SLC6A5: variants seen among roughly 807,000 people sequenced by gnomAD.
SLC6A5 encodes solute carrier family 6 member 5.
In SLC6A5, 58 loss-of-function variants were observed where a neutral mutation model predicts 90.5. That is an observed-to-expected ratio of 0.64 (90% CI 0.52 to 0.80). The LOEUF (loss-of-function observed/expected upper bound fraction) is 0.80. SLC6A5 is among the 30% of genes least tolerant of loss of function. The pLI is 0.00. For synonymous variants in SLC6A5, 427 were observed against 401.4 expected (o/e 1.06, Z -0.76); for missense variants, 1,015 against 1,017.6 (o/e 1.00, Z 0.03).
At chr11:20,617,699 C>T in intron 6 of SLC6A5, 53 bp from the exon 7 acceptor site, 5 of 1,554,672 alleles carry the variant, frequency 3.2e-6, no homozygotes, top group Non-Finnish European at 4.4e-6. Context: ...TGCCTGTCAC[C>T]TCCCTCTCTC....
chr11:20,608,353 A>C (rs975118722), intron 5 of SLC6A5, among the ~76,000 whole-genome samples: 1 of 152,226 alleles, frequency 6.6e-6, no homozygotes, highest in Non-Finnish European at 1.5e-5. Context: ...GGTCAAGGGC[A>C]AGAGAGTGAA....
chr11:20,600,384 G>GAAC (rs759447184), intron 1 of SLC6A5, among the ~76,000 whole-genome samples: 2 of 149,814 alleles, frequency 1.3e-5, no homozygotes, highest in African/African-American at 5.0e-5. Context: ...AGAAGAAGAA[G>GAAC]AAGAAGAAGA....
In SLC6A5 at chr11:20,658,200, AC is replaced by A. The variant is rs1423031185; in HGVS notation, c.*3334del. 3 of 152,020 alleles carry A rather than the reference AC, an allele frequency of 2.0e-5. No homozygotes were observed. Among genetic ancestry groups the A allele is most frequent in the Admixed American group, 6.5e-5 (1 of 15,270 alleles). The allele number at this position is 152,020 out of a possible 1,614,324, so 9.4% of individuals were successfully genotyped here. A position where few individuals can be genotyped will look rare whatever the true frequency, so the allele number is the denominator to read the frequency against. ...ATGTGTCTCTCAGTGCTTCCTGTCC[AC>A]CTTTGCTCTCAGCATGGTTTCCCAT... is the stretch of plus-strand genomic sequence containing the variant. On this transcript the variant is annotated 3_prime_UTR_variant, in exon 16 of 16. Coordinates refer to ENST00000525748, the MANE Select transcript of SLC6A5 (RefSeq NM_004211.5).
At chr11:20,606,412 A>G (rs7130611) in intron 3 of SLC6A5, among the ~76,000 whole-genome samples, 9,540 of 152,238 alleles carry the variant, frequency 0.063, 1,049 homozygotes, top group African/African-American at 0.22. Flanking sequence ...TGAAGGATGG[A>G]AGGAACTTCT....
intron 14 of SLC6A5, among the ~76,000 whole-genome samples, chr11:20,649,027 T>G (rs1402579090): frequency 1.3e-5 from 2 of 152,182 alleles, no homozygotes; most frequent in Admixed American, 6.5e-5. Flanking sequence ...TTCAAGCCAA[T>G]ACCTATATAT....
At chr11:20,602,716 T>C (rs1852503638) in intron 2 of SLC6A5, among the ~76,000 whole-genome samples, 1 of 151,996 alleles carries the variant, frequency 6.6e-6, no homozygotes, top group African/African-American at 2.4e-5. Flanking sequence ...CACATACACA[T>C]TCACACTTAT....
intron 6 of SLC6A5, among the ~76,000 whole-genome samples, chr11:20,615,990 T>C (rs1220575403): frequency 6.6e-6 from 1 of 152,240 alleles, no homozygotes; most frequent in Admixed American, 6.5e-5. Context: ...GATTTTTATG[T>C]GATCTCTCCT....
At chr11:20,634,278 A>G (rs937519417) in intron 10 of SLC6A5, among the ~76,000 whole-genome samples, 4 of 152,214 alleles carry the variant, frequency 2.6e-5, no homozygotes, top group Non-Finnish European at 5.9e-5. Flanking sequence ...CAGACTGGCC[A>G]TATACTCTTT....
rs185008091 is a variant in SLC6A5 at position 20,619,334 on chromosome 11, G to A, written c.1260+1450G>A. On this transcript the variant is annotated intron_variant, in intron 7 of 15. Coordinates refer to ENST00000525748, the MANE Select transcript of SLC6A5 (RefSeq NM_004211.5). ...TAGACCGAACTGTCTTCTCCCTGGG[G>A]ACATGGACATTTTTGATTACAGCTT... is the stretch of plus-strand genomic sequence containing the variant. 3.0e-3 allele frequency among the ~76,000 whole-genome samples: 459 copies of A among 152,312 alleles called. 2 individuals carry two copies. The highest frequency in any genetic ancestry group is 0.01 in the Middle Eastern group (3 of 294).
intron 6 of SLC6A5, among the ~76,000 whole-genome samples, chr11:20,616,247 C>T (rs1239000259): frequency 2.0e-5 from 3 of 152,128 alleles, no homozygotes; most frequent in Non-Finnish European, 4.4e-5. Context: ...CCCCTTTGAC[C>T]ATAACTACCA....
chr11:20,638,487 A>G lies in SLC6A5; in HGVS notation c.1898A>G (p.Asp633Gly). 6.2e-7 allele frequency: 1 copy of G among 1,612,988 alleles called. No individual in the cohort carries two copies. The highest frequency in any genetic ancestry group is 2.2e-5 in the East Asian group (1 of 44,862). ...QGGIYMFQLVDTYAASYALVI... is the reference protein window; with the variant it reads ...QGGIYMFQLVGTYAASYALVI... ...GGAATTTACATGTTTCAGCTTGTGGACACCTATGCTGCCTCCTATGCCCTT... is the reference window on the plus strand; with the variant it reads ...GGAATTTACATGTTTCAGCTTGTGGGCACCTATGCTGCCTCCTATGCCCTT... Residue 633 changes from aspartate (D) to glycine (G), a missense_variant, in exon 13 of 16, where the codon GAC (aspartate) becomes GGC (glycine). Asp to Gly is a moderately conservative substitution (Grantham distance 94). Transcript: ENST00000525748.
chr11:20,637,955 T>C (rs1408958017), intron 12 of SLC6A5, among the ~76,000 whole-genome samples: 1 of 152,150 alleles, frequency 6.6e-6, no homozygotes, highest in Admixed American at 6.5e-5. Context: ...TTTCTTCTTC[T>C]GTAAAATAAT....
chr11:20,628,528 C>T (rs369733541), intron 9 of SLC6A5, among the ~76,000 whole-genome samples: 3 of 152,210 alleles, frequency 2.0e-5, no homozygotes, highest in African/African-American at 7.2e-5. Context: ...CTTCATTTAA[C>T]TTAATTACCT....
chr11:20,650,969 C>T (rs980816952), intron 14 of SLC6A5, among the ~76,000 whole-genome samples: 7 of 151,540 alleles, frequency 4.6e-5, no homozygotes, highest in Admixed American at 1.3e-4. Context: ...CCCGGCCAGA[C>T]GCCTGTTCTT....
At chr11:20,641,432 A>G (rs1853311885) in intron 13 of SLC6A5, among the ~76,000 whole-genome samples, 3 of 152,104 alleles carry the variant, frequency 2.0e-5, no homozygotes, top group African/African-American at 4.8e-5. Context: ...TTGATGGACT[A>G]TCTGTTTTCA....
At chr11:20,609,948 C>T (rs1007026887) in intron 5 of SLC6A5, among the ~76,000 whole-genome samples, 1 of 152,190 alleles carries the variant, frequency 6.6e-6, no homozygotes, top group Admixed American at 6.5e-5. Flanking sequence ...TGGAGAATGA[C>T]TAGTCTGTGC....
At chr11:20,651,565 G>A (rs540596439) in intron 14 of SLC6A5, among the ~76,000 whole-genome samples, 215 of 151,518 alleles carry the variant, frequency 1.4e-3, no homozygotes, top group African/African-American at 4.6e-3. Context: ...GAGCCACTGC[G>A]CCTGGCCTGG....
chr11:20,611,078 A>G (rs775361922), intron 5 of SLC6A5, among the ~76,000 whole-genome samples: 6 of 152,230 alleles, frequency 3.9e-5, no homozygotes, highest in Non-Finnish European at 7.3e-5. Context: ...GAGATTTCTG[A>G]TGCTAGAATC....
rs1413444814 is a variant in SLC6A5 at position 20,656,811 on chromosome 11, AAACTT to A, written c.*1945_*1949del. On this transcript the variant is annotated 3_prime_UTR_variant, in exon 16 of 16. Coordinates refer to ENST00000525748, the MANE Select transcript of SLC6A5 (RefSeq NM_004211.5). ...AGAGACTAAACCTTGAGCTTCCCCT[AAACTT>A]AGCTTTAGGAAGCTGAGCTGTGGCC... The A allele has an allele frequency of 2.0e-5, 3 of 152,118 alleles. No homozygotes were observed. Among genetic ancestry groups the A allele is most frequent in the African/African-American group, 7.2e-5 (3 of 41,430 alleles). The allele number at this position is 152,118 out of a possible 1,614,324, so 9.4% of individuals were successfully genotyped here. A position where few individuals can be genotyped will look rare whatever the true frequency, so the allele number is the denominator to read the frequency against.
Sources: allele counts gnomAD v4.1 joint callset (sites outside exome capture counted in the v4.1 genomes callset), GRCh38; gene constraint gnomAD v4.1.1; transcripts MANE v1.5; gene names NCBI Gene and HGNC (gene_info 2026-07-23, HGNC 2026-07-21).